TMTC4: variants seen among roughly 807,000 people sequenced by gnomAD.
The protein encoded by TMTC4 is protein O-mannosyl-transferase TMTC4.
TMTC4 carries 65 observed loss-of-function variants against 86.0 expected under a neutral mutation model. That is an observed-to-expected ratio of 0.76 (90% CI 0.62 to 0.93). The LOEUF is 0.93. TMTC4 is among the 40% of genes least tolerant of loss of function. The probability of loss-of-function intolerance (pLI) is 0.00; values close to 1 mark genes in which losing one functional copy is unlikely to be tolerated. For synonymous variants in TMTC4, 379 were observed against 382.5 expected (o/e 0.99, Z 0.11); for missense variants, 866 against 948.1 (o/e 0.91, Z 1.14).
intron 1 of TMTC4, chr13:100,674,031 C>A: frequency 3.0e-6 from 3 of 985,316 alleles, no homozygotes; most frequent in South Asian, 4.7e-5. Context: ...AAAAGAAAAA[C>A]ACACACGCAG....
intron 6 of TMTC4, among the ~76,000 whole-genome samples, 182 bp downstream of exon 6, chr13:100,656,199 C>T (rs946841): frequency 0.71 from 108,463 of 152,126 alleles, 39,680 homozygotes; most frequent in East Asian, 0.98. Context: ...CTTTGCATTA[C>T]GGAAAAAGCA....
intron 15 of TMTC4, among the ~76,000 whole-genome samples, chr13:100,623,640 GTTTTGTTTTTT>G (rs1305950801): frequency 9.8e-4 from 94 of 96,184 alleles, no homozygotes; most frequent in African/African-American, 3.2e-3. Context: ...TACTAGTTGG[GTTTTGTTTTTT>G]TTTTTTTTTT....
rs543147925 is a variant in TMTC4, at chr13:100,612,459, G to A, written c.2003C>T (p.Pro668Leu). 1 of 1,612,096 alleles carries A rather than the reference G, an allele frequency of 6.2e-7. No homozygotes were observed. Among genetic ancestry groups the A allele is most frequent in the Non-Finnish European group, 8.5e-7 (1 of 1,179,466 alleles). The change falls in exon 17 of 19, where the codon CCT becomes CTT. Residue 668 changes from proline (P) to leucine (L), a missense_variant. Transcript: ENST00000342624. ...CGAGAACATGAGAGAGTGATCATTA[G>A]GTATTAATTCCAGTGCCTCTCTTCC... ...AVGREALELI[P>L]NDHSLMFSLA...
chr13:100,650,567 G>C (rs1052327356), intron 6 of TMTC4, among the ~76,000 whole-genome samples: 1 of 152,242 alleles, frequency 6.6e-6, no homozygotes, highest in African/African-American at 2.4e-5. Flanking sequence ...ACAGGTGGCC[G>C]CGACTCTCTC....
intron 17 of TMTC4, 58 bp downstream of exon 17, chr13:100,612,338 TAC>T (rs1370384093): frequency 7.6e-7 from 1 of 1,309,356 alleles, no homozygotes; most frequent in East Asian, 2.4e-5. Context: ...AAGTAACACT[TAC>T]GTCTTCTGTC....
At chr13:100,625,753 G>A (rs1880403977) in intron 14 of TMTC4, 32 bp downstream of exon 14, 1 of 1,609,886 alleles carries the variant, frequency 6.2e-7, no homozygotes, top group Non-Finnish European at 8.5e-7. Flanking sequence ...TCCTTTCTTT[G>A]TCACTAGCAT....
chr13:100,619,585 A>G (rs967777089), intron 15 of TMTC4, among the ~76,000 whole-genome samples: 2 of 152,234 alleles, frequency 1.3e-5, no homozygotes, highest in East Asian at 3.9e-4. Flanking sequence ...TACACAGCAA[A>G]TAGATAGCAT....
chr13:100,637,569 G>T lies in TMTC4; in HGVS notation c.968C>A (p.Pro323Gln). Residue 323 changes from proline to glutamine, a missense_variant, in exon 9 of 19, where the codon CCG becomes CAG. Pro to Gln is a moderately conservative substitution (Grantham distance 76). Coordinates refer to ENST00000342624, the MANE Select transcript of TMTC4 (RefSeq NM_032813.5). Reference sequence around the variant, plus strand: ...CAGCATGCTGTCAGCAAAGGAGGCCGGGTTGTCCACCTCGGTGAAGGCCGG... The same window carrying T: ...CAGCATGCTGTCAGCAAAGGAGGCCTGGTTGTCCACCTCGGTGAAGGCCGG... ...GPPAFTEVDN[P>Q]ASFADSMLVR... The T allele has an allele frequency of 6.2e-7, 1 of 1,614,056 alleles. No individual in the cohort carries two copies. The highest frequency in any genetic ancestry group is 8.5e-7 in the Non-Finnish European group (1 of 1,179,996).
chr13:100,674,369 C>G, intron 1 of TMTC4: 1 of 972,084 alleles, frequency 1.0e-6, no homozygotes, highest in Non-Finnish European at 1.2e-6. Context: ...ATGGCCGCTC[C>G]GGGGACGCGC....
chr13:100,654,983 T>C (rs1400178591), intron 6 of TMTC4, among the ~76,000 whole-genome samples: 1 of 151,926 alleles, frequency 6.6e-6, no homozygotes, highest in Non-Finnish European at 1.5e-5. Context: ...TTCAGAAACT[T>C]TAGAGTTGTC....
chr13:100,610,357 C>T (rs761229379), intron 17 of TMTC4, among the ~76,000 whole-genome samples: 119 of 152,236 alleles, frequency 7.8e-4, no homozygotes, highest in Non-Finnish European at 5.9e-4. Flanking sequence ...CATTAGCAAC[C>T]GGTATCATTT....
At chr13:100,637,465 G>C (rs920703688) in intron 9 of TMTC4, 73 bp downstream of exon 9, 3 of 1,536,904 alleles carry the variant, frequency 2.0e-6, no homozygotes, top group African/African-American at 2.7e-5. Flanking sequence ...GTGAGACGAG[G>C]AGGAGGGGTG....
rs1304162790 is a variant in TMTC4 at position 100,668,590 on chromosome 13, C to A, written c.208G>T (p.Val70Phe). The change falls in exon 3 of 19, where the codon GTT (valine) becomes TTT (phenylalanine). Residue 70 changes from valine (V) to phenylalanine (F), a missense_variant. Physicochemically the swap from Val to Phe is conservative, Grantham distance 50. Transcript: ENST00000342624. ...GTTGAGATACAAACCTTATTGTTAA[C>A]AATAGCTTCTGAGTCATCAAAGACA... The part of the protein sequence containing the change: ...DFVFDDSEAI[V>F]NNKDLQAETP... 6.2e-7 allele frequency: 1 copy of A among 1,614,154 alleles called. No homozygotes were observed. Among genetic ancestry groups the A allele is most frequent in the Admixed American group, 1.7e-5 (1 of 60,026 alleles).
chr13:100,612,316 T>C, intron 17 of TMTC4, 82 bp downstream of exon 17: 1 of 1,122,378 alleles, frequency 8.9e-7, no homozygotes, highest in South Asian at 1.5e-5. Context: ...GATTCCTAAT[T>C]TAACTGGGCA....
chr13:100,632,510 G>A (rs566695856), intron 12 of TMTC4, among the ~76,000 whole-genome samples: 5 of 152,268 alleles, frequency 3.3e-5, no homozygotes, highest in African/African-American at 9.6e-5. Context: ...ATCTATTAAC[G>A]TTTAAGAAAT....
rs377626262 is a variant in TMTC4, at chr13:100,668,744, G to A, written c.54C>T (p.Phe18=). 2 of 1,614,102 alleles carry A rather than the reference G, an allele frequency of 1.2e-6. No individual in the cohort carries two copies. The highest frequency in any genetic ancestry group is 1.3e-5 in the African/African-American group (1 of 74,928). Reference sequence around the variant, plus strand: ...AATCAGTGTCCAACACGGCCATTCTGAAAACTGCAGGTTGGTGGCTCCCGG... The same window carrying A: ...AATCAGTGTCCAACACGGCCATTCTAAAAACTGCAGGTTGGTGGCTCCCGG... ...AGAGSHQPAV[F]RMAVLDTDLD... Residue 18 remains phenylalanine, a synonymous_variant, in exon 3 of 19, where the codon TTC becomes TTT. Coordinates refer to ENST00000342624, the MANE Select transcript of TMTC4 (RefSeq NM_032813.5).
intron 12 of TMTC4, 83 bp downstream of exon 12, chr13:100,634,722 G>A (rs1477137282): frequency 8.6e-6 from 13 of 1,509,714 alleles, no homozygotes; most frequent in Middle Eastern, 1.9e-4. Flanking sequence ...AATACTGCGC[G>A]ACAGGAAATG....
At chr13:100,607,566 T>C (rs755489128) in intron 17 of TMTC4, among the ~76,000 whole-genome samples, 7 of 149,708 alleles carry the variant, frequency 4.7e-5, no homozygotes, top group Admixed American at 1.3e-4. Context: ...CCAAACAAAT[T>C]TGTTGGTGTG....
intron 10 of TMTC4, among the ~76,000 whole-genome samples, chr13:100,636,143 G>A (rs1226596605): frequency 6.6e-6 from 1 of 152,164 alleles, no homozygotes; most frequent in African/African-American, 2.4e-5. Context: ...AGCTACAACA[G>A]AGGGAATCAT....
Sources: gnomAD v4.1 joint callset for allele counts (sites outside exome capture counted in the v4.1 genomes callset) on GRCh38, gnomAD v4.1.1 for gene constraint, MANE v1.5 for transcripts, NCBI Gene and HGNC (gene_info 2026-07-23, HGNC 2026-07-21) for gene names.